Variants in MYLK observed in about 807,000 individuals in gnomAD.
MYLK encodes myosin light chain kinase, also known as myosin light chain kinase, smooth muscle.
In MYLK, 106 loss-of-function variants were observed where a neutral mutation model predicts 203.4. The observed-to-expected ratio is 0.52, with a 90% CI of 0.45 to 0.61. The LOEUF (loss-of-function observed/expected upper bound fraction) is 0.61. MYLK is among the 20% of genes least tolerant of loss of function. MYLK has a pLI of 0.00. For missense variants in MYLK, 2,072 were observed against 2,442.3 expected (o/e 0.85, Z 3.20); for synonymous variants, 867 against 959.5 (o/e 0.90, Z 1.78).
intron 20 of MYLK, among the ~76,000 whole-genome samples, chr3:123,678,419 G>C (rs1047783566): frequency 6.6e-6 from 1 of 152,014 alleles, no homozygotes; most frequent in African/African-American, 2.4e-5. Context: ...GTGTCTGGCC[G>C]GTTAACTTGT....
intron 2 of MYLK, among the ~76,000 whole-genome samples, chr3:123,852,349 C>T (rs1266590243): frequency 2.6e-5 from 4 of 152,128 alleles, no homozygotes; most frequent in African/African-American, 7.2e-5. Flanking sequence ...GCTGTGAATC[C>T]GTCTGGTCCT....
intron 12 of MYLK, among the ~76,000 whole-genome samples, chr3:123,724,731 TGCTC>T (rs1339171543): frequency 4.7e-5 from 4 of 85,176 alleles, no homozygotes; most frequent in East Asian, 7.8e-4. Flanking sequence ...CTCGCTCGCT[TGCTC>T]GCTCTTTCAT....
intron 4 of MYLK, 65 bp downstream of exon 4, chr3:123,793,612 T>C (rs540523424): frequency 1.0e-4 from 166 of 1,586,438 alleles, no homozygotes; most frequent in Admixed American, 1.9e-4. Context: ...GGAAAAGGCT[T>C]GACAAGGAGC....
At position 123,638,127 on chromosome 3, in the gene MYLK, A is replaced by G; in HGVS notation, c.4905T>C (p.Tyr1635=). The change falls in exon 29 of 34, where the codon TAT becomes TAC. Residue 1635 remains tyrosine (Y), a synonymous_variant. Coordinates refer to ENST00000360304, the MANE Select transcript of MYLK (RefSeq NM_053025.4). The part of the protein sequence containing the change: ...PEFVAPEVIN[Y]EPIGYATDMW... ...TGTCTGTGGCGTAGCCGATGGGCTC[A>G]TAGTTGATCACTTCAGGAGCCACAA... is the stretch of plus-strand genomic sequence containing the variant. The G allele has an allele frequency of 6.2e-7, 1 of 1,614,172 alleles. No individual in the cohort carries two copies. The highest frequency in any genetic ancestry group is 8.5e-7 in the Non-Finnish European group (1 of 1,180,020).
chr3:123,792,037 G>A (rs778431110), intron 4 of MYLK, among the ~76,000 whole-genome samples: 11 of 152,208 alleles, frequency 7.2e-5, no homozygotes, highest in Non-Finnish European at 1.3e-4. Flanking sequence ...AGAGGACACT[G>A]AGCAACAAAG....
At chr3:123,808,440 G>C (rs1320479663) in intron 3 of MYLK, among the ~76,000 whole-genome samples, 1 of 145,632 alleles carries the variant, frequency 6.9e-6, no homozygotes, top group Non-Finnish European at 1.6e-5. Flanking sequence ...TTTACTCAAA[G>C]ATTTGGGTGA....
At chr3:123,703,109 G>T (rs540678754) in intron 16 of MYLK, among the ~76,000 whole-genome samples, 1 of 152,196 alleles carries the variant, frequency 6.6e-6, no homozygotes, top group African/African-American at 2.4e-5. Context: ...ACCTGGACAG[G>T]CATCTGAGCA....
intron 13 of MYLK, among the ~76,000 whole-genome samples, chr3:123,719,494 A>G (rs2062016251): frequency 6.6e-6 from 1 of 152,234 alleles, no homozygotes; most frequent in Admixed American, 6.5e-5. Flanking sequence ...CTGCTGGACA[A>G]TCATAATCAC....
intron 19 of MYLK, among the ~76,000 whole-genome samples, chr3:123,687,702 C>T (rs1417578488): frequency 6.7e-6 from 1 of 149,250 alleles, no homozygotes; most frequent in Non-Finnish European, 1.5e-5. Flanking sequence ...GACAGGGTCT[C>T]CCTCTGTCCC....
At chr3:123,713,729 T>C (rs1299836321) in intron 13 of MYLK, among the ~76,000 whole-genome samples, 2 of 151,856 alleles carry the variant, frequency 1.3e-5, no homozygotes, top group Non-Finnish European at 2.9e-5. Context: ...TTAAGTAAAA[T>C]ACGAAAGGAC....
chr3:123,866,798 C>A (rs2032360709), intron 2 of MYLK, among the ~76,000 whole-genome samples: 3 of 152,092 alleles, frequency 2.0e-5, no homozygotes, highest in African/African-American at 4.8e-5. Context: ...TAAAATGTTA[C>A]CTCTCCTGTT....
intron 1 of MYLK, among the ~76,000 whole-genome samples, chr3:123,880,919 C>T (rs1268748815): frequency 6.6e-6 from 1 of 152,192 alleles, no homozygotes; most frequent in Non-Finnish European, 1.5e-5. Context: ...AGGAGGGATG[C>T]ACCTGTTGGC....
chr3:123,622,358 AG>A, intron 31 of MYLK: 1 of 152,378 alleles, frequency 6.6e-6, no homozygotes, highest in African/African-American at 2.4e-5. Flanking sequence ...TGGGAGCAGA[AG>A]ATTCTAATCT....
chr3:123,642,934 T>C lies in MYLK; in HGVS notation c.4620-2430A>G, dbSNP rs1456589158. On this transcript the variant is annotated intron_variant, in intron 27 of 33. Transcript: ENST00000360304. This position sits in a 1 kb window ranked among gnomAD's most constrained non-coding sequence, Gnocchi z 4.2. ...CCTCTGGAGATTTTGATTTAGAAAG[T>C]CTTGGGAGAGATCTGAGGATCTATA... Among the ~76,000 whole-genome samples the C allele has an allele frequency of 1.3e-5, 2 of 152,178 alleles. No homozygotes were observed. The highest frequency in any genetic ancestry group is 2.9e-5 in the Non-Finnish European group (2 of 68,016).
chr3:123,761,552 A>G (rs1265933257), intron 4 of MYLK, among the ~76,000 whole-genome samples: 1 of 152,206 alleles, frequency 6.6e-6, no homozygotes, highest in African/African-American at 2.4e-5. Flanking sequence ...CAAGTGGCAG[A>G]CAGCAGCCTC....
rs1419734744 is a variant in MYLK at position 123,614,695 on chromosome 3, C to T, written c.5501-346G>A. Among the ~76,000 whole-genome samples the T allele has an allele frequency of 2.6e-5, 4 of 152,114 alleles. No individual in the cohort carries two copies. In the East Asian group the frequency reaches 7.7e-4, roughly 29 times the overall value. ...CTAGGCTGGAGTGTAGTGGCATGAT[C>T]GTAGCTTACTGTTGCTCAAATTCCT... On this transcript the variant is annotated intron_variant, in intron 33 of 33. Coordinates refer to ENST00000360304, the MANE Select transcript of MYLK (RefSeq NM_053025.4).
At chr3:123,825,869 C>T (rs1258387791) in intron 3 of MYLK, among the ~76,000 whole-genome samples, 1 of 152,232 alleles carries the variant, frequency 6.6e-6, no homozygotes, top group East Asian at 1.9e-4. Flanking sequence ...GGGGAAAACC[C>T]ACCCTTGAGC....
chr3:123,882,168 C>T (rs1306963729), intron 1 of MYLK, among the ~76,000 whole-genome samples: 1 of 152,162 alleles, frequency 6.6e-6, no homozygotes, highest in East Asian at 1.9e-4. Context: ...ATGCCTGTAA[C>T]CCAGCACTTT....
chr3:123,872,524 G>A (rs1577161251), intron 2 of MYLK, among the ~76,000 whole-genome samples: 2 of 152,116 alleles, frequency 1.3e-5, no homozygotes, highest in Non-Finnish European at 2.9e-5. Context: ...ACCAACCGAC[G>A]ATAAGTTAGG....
Sources: allele counts gnomAD v4.1 joint callset (sites outside exome capture counted in the v4.1 genomes callset), GRCh38; gene constraint gnomAD v4.1.1; non-coding constraint Gnocchi (gnomAD v3.1); transcripts MANE v1.5; gene names NCBI Gene and HGNC (gene_info 2026-07-23, HGNC 2026-07-21).